Variants in EDAR observed in about 807,000 individuals in gnomAD.
The protein encoded by EDAR is tumor necrosis factor receptor superfamily member EDAR.
A neutral mutation model predicts 51.3 loss-of-function variants in EDAR; 38 were observed. The observed-to-expected ratio is 0.74, with a 90% CI of 0.57 to 0.97. The LOEUF (loss-of-function observed/expected upper bound fraction) is 0.97. EDAR is among the 50% of genes least tolerant of loss of function. EDAR has a pLI of 0.00. For missense variants in EDAR, 528 were observed against 595.0 expected (o/e 0.89, Z 1.17); for synonymous variants, 227 against 242.1 (o/e 0.94, Z 0.58).
chr2:108,907,973 C>T lies in EDAR; in HGVS notation c.850G>A (p.Val284Ile), dbSNP rs138052931. 3.7e-5 allele frequency: 59 copies of T among 1,612,418 alleles called. No individual in the cohort carries two copies. The highest frequency in any genetic ancestry group is 2.4e-4 in the African/African-American group (18 of 74,884). ...SENEQLLSRS[V>I]DSDEEPAPDK... ...GGGGCGGGCTCCTCATCACTGTCGA[C>T]GCTCCGGCTCAGCAGCTGCTCATTC... Residue 284 changes from valine (V) to isoleucine (I), a missense_variant, in exon 10 of 12, where the codon GTC becomes ATC. Transcript: ENST00000258443.
chr2:108,978,170 G>C (rs1188319683), intron 1 of EDAR, among the ~76,000 whole-genome samples: 1 of 152,262 alleles, frequency 6.6e-6, no homozygotes, highest in Admixed American at 6.5e-5. Context: ...TACAGGGCCT[G>C]CTGAGCTACG....
At chr2:108,959,696 G>A (rs1308674042) in intron 1 of EDAR, among the ~76,000 whole-genome samples, 5 of 152,116 alleles carry the variant, frequency 3.3e-5, no homozygotes, top group South Asian at 2.1e-4. Flanking sequence ...CTGGGGCCGT[G>A]GGCAGTGGAG....
intron 11 of EDAR, among the ~76,000 whole-genome samples, chr2:108,902,207 C>CAA (rs59896545): frequency 1.3e-4 from 11 of 82,574 alleles, no homozygotes; most frequent in Non-Finnish European, 2.5e-4. Flanking sequence ...GACTCCGTCT[C>CAA]AAAAAAAAAA....
Position 108,945,380 on chromosome 2 carries a change from G to A in EDAR, c.-18-14348C>T, listed in dbSNP as rs527735235. Among the ~76,000 whole-genome samples, 5 of 152,222 alleles carry A rather than the reference G, an allele frequency of 3.3e-5. No homozygotes were observed. The East Asian group carries it at 5.8e-4, about 18-fold the overall frequency. On this transcript the variant is annotated intron_variant, in intron 1 of 11. Coordinates refer to ENST00000258443, the MANE Select transcript of EDAR (RefSeq NM_022336.4). ...CCCATGCCAAGAGCCCCCAAGCAAC[G>A]CCAAGGCATTTGGAACTAGAGTATG...
At chr2:108,937,866 C>T (rs991709344) in intron 1 of EDAR, among the ~76,000 whole-genome samples, 2 of 152,196 alleles carry the variant, frequency 1.3e-5, no homozygotes, top group African/African-American at 4.8e-5. Flanking sequence ...GCCCTGAGCC[C>T]TCGGGTGGGG....
chr2:108,950,437 T>C (rs1697802974), intron 1 of EDAR, among the ~76,000 whole-genome samples: 1 of 152,160 alleles, frequency 6.6e-6, no homozygotes, highest in African/African-American at 2.4e-5. Flanking sequence ...GATGTCTTTA[T>C]GTAGAGCATG....
intron 3 of EDAR, 87 bp from the exon 4 acceptor site, chr2:108,929,466 GC>G: frequency 7.2e-7 from 1 of 1,396,390 alleles, no homozygotes; most frequent in Non-Finnish European, 1.0e-6. Context: ...GCAGTGACGT[GC>G]CAGCTGTCTC....
intron 1 of EDAR, among the ~76,000 whole-genome samples, chr2:108,982,314 G>A (rs887096658): frequency 7.2e-5 from 11 of 152,230 alleles, no homozygotes; most frequent in African/African-American, 2.2e-4. Context: ...ACCCAGGGAG[G>A]TGGGTGGAAG....
In EDAR at chr2:108,930,232, A is replaced by T. The variant is rs766290033; in HGVS notation, c.62T>A (p.Met21Lys). 21 of 1,614,104 alleles carry T rather than the reference A, an allele frequency of 1.3e-5. No homozygotes were observed. Among genetic ancestry groups the T allele is most frequent in the Non-Finnish European group, 1.6e-5 (19 of 1,180,020 alleles). Reference sequence around the variant, plus strand: ...TGAGTATTCCGCTCGGGCTGAGCACATCAGAGACACCTGCCAACAAAGGGG... The same window carrying T: ...TGAGTATTCCGCTCGGGCTGAGCACTTCAGAGACACCTGCCAACAAAGGGG... ...PWLPVLVVSL[M>K]CSARAEYSNC... Residue 21 changes from methionine to lysine, a missense_variant, in exon 3 of 12, where the codon ATG becomes AAG. Coordinates refer to ENST00000258443, the MANE Select transcript of EDAR (RefSeq NM_022336.4).
Position 108,896,973 on chromosome 2 carries a change from C to T in EDAR, c.1281G>A (p.Leu427=). 6.2e-7 allele frequency: 1 copy of T among 1,613,828 alleles called. No individual in the cohort carries two copies. Among genetic ancestry groups the T allele is most frequent in the Non-Finnish European group, 8.5e-7 (1 of 1,179,922 alleles). The change falls in exon 12 of 12, where the codon TTG becomes TTA. Residue 427 remains leucine (L), a synonymous_variant. Transcript: ENST00000258443. Reference sequence around the variant, plus strand: ...CCGCCCACTCCAGTATGTCTGCACACAAGGACTCCACAGCATCCAGCCGCT... The same window carrying T: ...CCGCCCACTCCAGTATGTCTGCACATAAGGACTCCACAGCATCCAGCCGCT... ...QIERLDAVES[L]CADILEWAGV... is the part of the protein sequence containing the mutation.
At chr2:108,977,191 C>T (rs566518770) in intron 1 of EDAR, among the ~76,000 whole-genome samples, 3 of 152,340 alleles carry the variant, frequency 2.0e-5, no homozygotes, top group South Asian at 4.1e-4. Context: ...CCCTGCACCC[C>T]TGACCACCCC....
chr2:108,974,049 G>T (rs1698279377), intron 1 of EDAR, among the ~76,000 whole-genome samples: 1 of 151,990 alleles, frequency 6.6e-6, no homozygotes, highest in African/African-American at 2.4e-5. Context: ...CCACATATTG[G>T]TCAGGCGCGG....
chr2:108,987,198 G>A (rs2104495614), intron 1 of EDAR, among the ~76,000 whole-genome samples: 1 of 152,334 alleles, frequency 6.6e-6, no homozygotes, highest in South Asian at 2.1e-4. Context: ...GCATTTCCTT[G>A]AGAATAAATT....
intron 1 of EDAR, among the ~76,000 whole-genome samples, chr2:108,984,802 TACTC>T (rs1698471377): frequency 6.6e-6 from 1 of 152,170 alleles, no homozygotes; most frequent in African/African-American, 2.4e-5. Context: ...ACCACTGTGT[TACTC>T]ACTACATCCC....
chr2:108,965,513 G>A (rs1313095796), intron 1 of EDAR, among the ~76,000 whole-genome samples: 1 of 151,864 alleles, frequency 6.6e-6, no homozygotes, highest in Admixed American at 6.6e-5. Context: ...CCAGATACAG[G>A]TCTTTTGGGG....
At chr2:108,976,671 A>G (rs1455916608) in intron 1 of EDAR, among the ~76,000 whole-genome samples, 1 of 151,998 alleles carries the variant, frequency 6.6e-6, no homozygotes, top group East Asian at 1.9e-4. Context: ...ACACATGGGT[A>G]TTTATTTTAA....
chr2:108,965,097 G>C (rs1015032289), intron 1 of EDAR, among the ~76,000 whole-genome samples: 1 of 151,824 alleles, frequency 6.6e-6, no homozygotes, highest in African/African-American at 2.4e-5. Context: ...GTGTGTGCAC[G>C]CAAGCATGTG....
intron 1 of EDAR, among the ~76,000 whole-genome samples, chr2:108,977,645 A>G (rs1226827163): frequency 1.3e-5 from 2 of 151,996 alleles, no homozygotes; most frequent in Non-Finnish European, 2.9e-5. Flanking sequence ...GGACATCTGG[A>G]CGTCCTCCCT....
intron 1 of EDAR, among the ~76,000 whole-genome samples, chr2:108,969,769 T>C (rs975640679): frequency 6.6e-6 from 1 of 152,110 alleles, no homozygotes. Context: ...AGCAGCTAGC[T>C]GGAAAGACAG....
Sources: gnomAD v4.1 joint callset for allele counts (sites outside exome capture counted in the v4.1 genomes callset) on GRCh38, gnomAD v4.1.1 for gene constraint, MANE v1.5 for transcripts, NCBI Gene and HGNC (gene_info 2026-07-23, HGNC 2026-07-21) for gene names.